The following ZNF568 variants were observed in gnomAD, a reference collection of about 807,000 sequenced individuals.
ZNF568 encodes the protein p53 inhibitor of SCO2 activation.
A neutral mutation model predicts 18.1 loss-of-function variants in ZNF568; 11 were observed. The ratio of observed to expected loss-of-function variants is 0.61; its 90% CI spans 0.38 to 1.00. The LOEUF is 1.00. Among genes scored for constraint, ZNF568 ranks in the 50% least tolerant of loss-of-function variants. The probability of loss-of-function intolerance (pLI) is 0.01; values close to 1 mark genes in which losing one functional copy is unlikely to be tolerated. For synonymous variants in ZNF568, 213 were observed against 246.6 expected, an observed-to-expected ratio of 0.86 and a Z score of 1.28; for missense variants, 639 against 768.2, an observed-to-expected ratio of 0.83 and a Z score of 1.99.
chr19:36,983,149 C>G (rs2074345392), downstream of ZNF568, among the ~76,000 whole-genome samples: 1 of 152,216 alleles, frequency 6.6e-6, no homozygotes, highest in African/African-American at 2.4e-5. Context: ...TATGTAACAT[C>G]TATGGCTGCT....
At position 36,952,195 on chromosome 19, in the gene ZNF568, CTACT is replaced by C; in HGVS notation, c.*1109_*1112del. On this transcript the variant is annotated 3_prime_UTR_variant, in exon 7 of 7. Coordinates refer to ENST00000333987, the MANE Select transcript of ZNF568 (RefSeq NM_198539.4). ...CAGTGGCACATGCCTGTAATCCCAG[CTACT>C]TGGGAGGCTGATAGAAGAAGATAAC... 2 of 359,486 alleles carry C rather than the reference CTACT, an allele frequency of 5.6e-6. No individual in the cohort carries two copies. The highest frequency in any genetic ancestry group is 7.7e-6 in the Non-Finnish European group (2 of 259,026). The allele number at this position is 359,486 out of a possible 1,614,324, so 22.3% of individuals were successfully genotyped here.
chr19:36,921,836 T>TTGAA (rs1470810205), intron 2 of ZNF568, among the ~76,000 whole-genome samples: 18 of 152,318 alleles, frequency 1.2e-4, no homozygotes, highest in African/African-American at 4.3e-4. Flanking sequence ...TAGCTGGTCT[T>TTGAA]TGAATGAAAC....
At chr19:36,955,209 T>C (rs1371669186), downstream of ZNF568, among the ~76,000 whole-genome samples, 1 of 152,136 alleles carries the variant, frequency 6.6e-6, no homozygotes, top group Admixed American at 6.5e-5. Flanking sequence ...TTTTTTTGTC[T>C]AAACAGTTGT....
intron 6 of ZNF568, among the ~76,000 whole-genome samples, chr19:36,963,493 A>T (rs2146325014): frequency 6.6e-6 from 1 of 152,340 alleles, no homozygotes; most frequent in East Asian, 1.9e-4. Flanking sequence ...TAGTGTTAAC[A>T]TATAACCAGC....
chr19:36,936,932 G>A, intron 5 of ZNF568, 60 bp downstream of exon 5: 1 of 1,587,634 alleles, frequency 6.3e-7, no homozygotes, highest in Non-Finnish European at 8.6e-7. Context: ...TCTGAAATGT[G>A]TGAAGACTGT....
chr19:36,951,192 A>C lies in ZNF568; in HGVS notation c.*104A>C. 1 of 1,184,530 alleles carries C rather than the reference A, an allele frequency of 8.4e-7. No individual in the cohort carries two copies. Among genetic ancestry groups the C allele is most frequent in the Non-Finnish European group, 1.1e-6 (1 of 878,626 alleles). 73.4% of individuals were successfully genotyped at this position (1,184,530 alleles called of 1,614,324 possible). A position where few individuals can be genotyped will look rare whatever the true frequency, so the allele number is the denominator to read the frequency against. The stretch of plus-strand genomic sequence containing the variant: ...ATGGAAAAATTTTAATACTTTGTTA[A>C]AAGGTGTAAGACTGGAATAAATGGA... On this transcript the variant is annotated 3_prime_UTR_variant, in exon 7 of 7. Coordinates refer to ENST00000333987, the MANE Select transcript of ZNF568 (RefSeq NM_198539.4).
At chr19:36,927,912 T>A (rs1427850341) in intron 4 of ZNF568, among the ~76,000 whole-genome samples, 1 of 39,882 alleles carries the variant, frequency 2.5e-5, no homozygotes, top group Non-Finnish European at 5.1e-5. Flanking sequence ...TATTTTTTTT[T>A]TTTTTTTTTT....
chr19:36,965,695 G>A (rs922586819), intron 6 of ZNF568, among the ~76,000 whole-genome samples: 1 of 146,324 alleles, frequency 6.8e-6, no homozygotes, highest in African/African-American at 2.5e-5. Context: ...TTTTGTGTGT[G>A]ATCAAGGACT....
intron 6 of ZNF568, among the ~76,000 whole-genome samples, chr19:36,965,298 A>G (rs1394105504): frequency 1.3e-5 from 2 of 152,176 alleles, no homozygotes; most frequent in Non-Finnish European, 2.9e-5. Flanking sequence ...CTTCCATGTG[A>G]GGACAACCAT....
At chr19:36,941,983 A>ATTC (rs2073886762) in intron 6 of ZNF568, among the ~76,000 whole-genome samples, 1 of 138,234 alleles carries the variant, frequency 7.2e-6, no homozygotes, top group African/African-American at 2.7e-5. Context: ...TGCTCTGTAA[A>ATTC]TTTTTTTTTT....
At chr19:36,930,430 C>T (rs1437267586) in intron 4 of ZNF568, among the ~76,000 whole-genome samples, 1 of 151,984 alleles carries the variant, frequency 6.6e-6, no homozygotes, top group African/African-American at 2.4e-5. Flanking sequence ...AGGATGGTCT[C>T]GATCTCCTGA....
chr19:36,980,251 C>T (rs997389783), downstream of ZNF568: 3 of 152,080 alleles, frequency 2.0e-5, no homozygotes, highest in African/African-American at 7.2e-5. Flanking sequence ...AATTTATTTA[C>T]ATCTTGTGTA....
intron 7 of ZNF568, among the ~76,000 whole-genome samples, chr19:36,977,514 G>T (rs1430849857): frequency 6.6e-6 from 1 of 152,138 alleles, no homozygotes; most frequent in East Asian, 1.9e-4. Context: ...TAAGACTAAA[G>T]AAACATATTT....
At chr19:36,980,585 T>C (rs149701236), downstream of ZNF568, among the ~76,000 whole-genome samples, 119 of 152,274 alleles carry the variant, frequency 7.8e-4, no homozygotes, top group African/African-American at 2.5e-3. Flanking sequence ...TTAGGTATAA[T>C]AATTCAGTAG....
intron 6 of ZNF568, among the ~76,000 whole-genome samples, chr19:36,963,608 A>G (rs115145787): frequency 0.014 from 2,077 of 152,274 alleles, 58 homozygotes; most frequent in African/African-American, 0.047. Context: ...GCAGAGGGCT[A>G]TGCTATGACT....
downstream of ZNF568, among the ~76,000 whole-genome samples, chr19:36,981,483 G>A (rs2074330852): frequency 6.6e-6 from 1 of 152,046 alleles, no homozygotes; most frequent in East Asian, 1.9e-4. Flanking sequence ...TTGTGGAATG[G>A]TTTTCAATAA....
At chr19:36,991,581 CT>C in intron 3 of ZNF568, 12 of 648,594 alleles carry the variant, frequency 1.9e-5, no homozygotes, top group South Asian at 1.7e-4. Flanking sequence ...ATATTGCAAA[CT>C]TTTTTTCTAA....
chr19:36,953,106 A>G (rs114076074), downstream of ZNF568, among the ~76,000 whole-genome samples: 2,110 of 152,320 alleles, frequency 0.014, 23 homozygotes, highest in African/African-American at 0.025. Flanking sequence ...CATCATGTCT[A>G]CTACTCACGG....
chr19:36,981,278 G>A (rs922959934), downstream of ZNF568, among the ~76,000 whole-genome samples: 1 of 152,142 alleles, frequency 6.6e-6, no homozygotes, highest in African/African-American at 2.4e-5. Flanking sequence ...CTATGGTCCT[G>A]TTCTCTAGAA....
Sources: gnomAD v4.1 joint callset for allele counts (sites outside exome capture counted in the v4.1 genomes callset) on GRCh38, gnomAD v4.1.1 for gene constraint, MANE v1.5 for transcripts, NCBI Gene and HGNC (gene_info 2026-07-23, HGNC 2026-07-21) for gene names.